CREB3L2: variants seen among roughly 807,000 people sequenced by gnomAD.
CREB3L2 encodes the protein cAMP responsive element binding protein 3 like 2.
In CREB3L2, 23 loss-of-function variants were observed where a neutral mutation model predicts 57.2. The ratio of observed to expected loss-of-function variants is 0.40; its 90% confidence interval spans 0.29 to 0.57. CREB3L2 has a LOEUF of 0.57. Ranked by LOEUF, CREB3L2 falls within the 20% of genes least tolerant of loss-of-function variation. The pLI is 0.42. For synonymous variants in CREB3L2, 268 were observed against 265.1 expected (o/e 1.01, Z -0.11); for missense variants, 628 against 634.7 (o/e 0.99, Z 0.11).
chr7:137,989,432 GTTT>G (rs33944427), intron 1 of CREB3L2, among the ~76,000 whole-genome samples: 6 of 106,032 alleles, frequency 5.7e-5, no homozygotes, highest in African/African-American at 2.2e-4. Flanking sequence ...CTTTTCTCCA[GTTT>G]TTTTTTTTTT....
intron 1 of CREB3L2, among the ~76,000 whole-genome samples, chr7:137,968,661 C>G (rs898125372): frequency 1.3e-5 from 2 of 152,160 alleles, no homozygotes; most frequent in Non-Finnish European, 2.9e-5. Flanking sequence ...AATAGTGGAG[C>G]TGGCCACTCT....
rs115616922 is a variant in CREB3L2, at chr7:137,939,558, C to T, written c.103-11192G>A. ...TCTGATATGCTTCAAGAAACTCAAACCATCCCCGAGTCCTCTTGCCCCTTC... is the reference window on the plus strand; with the variant it reads ...TCTGATATGCTTCAAGAAACTCAAATCATCCCCGAGTCCTCTTGCCCCTTC... On this transcript the variant is annotated intron_variant, in intron 1 of 11. Coordinates refer to ENST00000330387, the MANE Select transcript of CREB3L2 (RefSeq NM_194071.4). Among the ~76,000 whole-genome samples the T allele has an allele frequency of 3.9e-3, 597 of 152,326 alleles. 5 individuals are homozygous for T. Among genetic ancestry groups the T allele is most frequent in the African/African-American group, 0.013 (552 of 41,566 alleles).
At chr7:137,891,099 T>A (rs543051374) in intron 8 of CREB3L2, among the ~76,000 whole-genome samples, 1 of 152,350 alleles carries the variant, frequency 6.6e-6, no homozygotes, top group Admixed American at 6.5e-5. Flanking sequence ...TCACAATTTG[T>A]TAAATTGGAG....
intron 1 of CREB3L2, among the ~76,000 whole-genome samples, chr7:137,997,607 A>T (rs1382699701): frequency 6.6e-6 from 1 of 151,806 alleles, no homozygotes; most frequent in East Asian, 1.9e-4. Flanking sequence ...ACACACTGAT[A>T]CTCCCAGCTA....
chr7:137,912,341 C>T (rs1031446738), intron 4 of CREB3L2, among the ~76,000 whole-genome samples: 1 of 149,148 alleles, frequency 6.7e-6, no homozygotes, highest in Non-Finnish European at 1.5e-5. Flanking sequence ...GGTGCCATTG[C>T]ACTCCAGCCT....
intron 1 of CREB3L2, among the ~76,000 whole-genome samples, chr7:137,942,126 T>A (rs1171337488): frequency 6.6e-6 from 1 of 152,226 alleles, no homozygotes; most frequent in Non-Finnish European, 1.5e-5. Flanking sequence ...CACACTGTGC[T>A]CACATCCATA....
chr7:137,914,200 AATG>A (rs1380248282), intron 3 of CREB3L2, among the ~76,000 whole-genome samples: 5 of 150,984 alleles, frequency 3.3e-5, no homozygotes, highest in Admixed American at 1.3e-4. Context: ...AATTAATATT[AATG>A]ATGTTATTAT....
rs1448481112 is a variant in CREB3L2, at chr7:137,972,732, TATATAGAGAGAGAGAG to T, written c.102+28856_102+28871del. Among the ~76,000 whole-genome samples the T allele has an allele frequency of 1.1e-3, 29 of 26,806 alleles. No individual in the cohort carries two copies. In the East Asian group the frequency reaches 0.016, roughly 15 times the overall value. 17.6% of individuals were successfully genotyped at this position (26,806 alleles called of 152,430 possible). A position where few individuals can be genotyped will look rare whatever the true frequency, so the allele number is the denominator to read the frequency against. On this transcript the variant is annotated intron_variant, in intron 1 of 11. Transcript: ENST00000330387. ...AAAAAAATATATATATATATATATA[TATATAGAGAGAGAGAG>T]AGAGAGAGAGAGAGAGAGAGAGAAA...
chr7:137,976,999 G>T (rs1170652054), intron 1 of CREB3L2, among the ~76,000 whole-genome samples: 2 of 152,310 alleles, frequency 1.3e-5, no homozygotes, highest in African/African-American at 2.4e-5. Flanking sequence ...GAATGGGTTG[G>T]GAGGTGGAAA....
intron 2 of CREB3L2, among the ~76,000 whole-genome samples, chr7:137,916,938 A>G (rs1032679387): frequency 7.2e-5 from 11 of 152,162 alleles, no homozygotes; most frequent in South Asian, 4.2e-4. Flanking sequence ...TGGTTTTTTG[A>G]TATTTTTTCT....
chr7:137,979,732 AAC>A (rs1272888264), intron 1 of CREB3L2, among the ~76,000 whole-genome samples: 12 of 1,378 alleles, frequency 8.7e-3, no homozygotes, highest in Middle Eastern at 0.071. Context: ...TCTCAAAAAC[AAC>A]AACAACAACA....
intron 1 of CREB3L2, among the ~76,000 whole-genome samples, chr7:137,946,818 C>A (rs57845211): frequency 0.012 from 219 of 18,626 alleles, 31 homozygotes; most frequent in African/African-American, 0.063. Flanking sequence ...ATATAGTTAT[C>A]TATATAGTTA....
intron 1 of CREB3L2, among the ~76,000 whole-genome samples, chr7:137,941,984 G>C (rs1438648728): frequency 6.6e-6 from 1 of 151,872 alleles, no homozygotes; most frequent in Non-Finnish European, 1.5e-5. Context: ...TGCTTACCAG[G>C]GGGCTCATTT....
chr7:137,918,150 T>C (rs1200253216), intron 2 of CREB3L2, among the ~76,000 whole-genome samples: 2 of 152,170 alleles, frequency 1.3e-5, no homozygotes. Context: ...AGAGACCGCA[T>C]AGATCCCATT....
intron 1 of CREB3L2, among the ~76,000 whole-genome samples, chr7:137,957,380 C>T (rs1176994410): frequency 6.6e-6 from 1 of 152,176 alleles, no homozygotes; most frequent in African/African-American, 2.4e-5. Context: ...CAGGAATCTA[C>T]AATGCCTAGA....
At chr7:137,913,844 C>T (rs996523582) in intron 3 of CREB3L2, among the ~76,000 whole-genome samples, 2 of 152,246 alleles carry the variant, frequency 1.3e-5, no homozygotes, top group East Asian at 3.9e-4. Flanking sequence ...TAGAGCGTAA[C>T]TGTGCATTTG....
chr7:137,898,109 A>G (rs1799665050), intron 8 of CREB3L2, among the ~76,000 whole-genome samples: 1 of 152,262 alleles, frequency 6.6e-6, no homozygotes, highest in South Asian at 2.1e-4. Flanking sequence ...GAATCTGAAT[A>G]GACATGTCTC....
At chr7:137,994,652 A>C (rs1801956629) in intron 1 of CREB3L2, among the ~76,000 whole-genome samples, 1 of 152,100 alleles carries the variant, frequency 6.6e-6, no homozygotes, top group Admixed American at 6.6e-5. Flanking sequence ...TAATATTCTT[A>C]GAACTTTGCT....
intron 1 of CREB3L2, among the ~76,000 whole-genome samples, chr7:137,989,607 C>T (rs1801852649): frequency 6.6e-6 from 1 of 152,026 alleles, no homozygotes; most frequent in Non-Finnish European, 1.5e-5. Context: ...ACTAATCCCT[C>T]ACCAGGATCC....
Sources: allele counts gnomAD v4.1 joint callset (sites outside exome capture counted in the v4.1 genomes callset), GRCh38; gene constraint gnomAD v4.1.1; transcripts MANE v1.5; gene names NCBI Gene and HGNC (gene_info 2026-07-23, HGNC 2026-07-21).